FOXP2: variants seen among roughly 807,000 people sequenced by gnomAD.
FOXP2 encodes the protein forkhead box P2.
FOXP2 carries 12 observed loss-of-function variants against 115.8 expected under a neutral mutation model. The ratio of observed to expected loss-of-function variants is 0.10; its 90% CI spans 0.07 to 0.17. The LOEUF is 0.17. FOXP2 is among the 10% of genes least tolerant of loss of function. The pLI is 1.00. For synonymous variants in FOXP2, 328 were observed against 297.7 expected, an observed-to-expected ratio of 1.10 and a Z score of -1.05; for missense variants, 629 against 843.5, an observed-to-expected ratio of 0.75 and a Z score of 3.15.
intron 1 of FOXP2, among the ~76,000 whole-genome samples, chr7:114,132,050 A>T (rs1427697561): frequency 6.6e-6 from 1 of 152,084 alleles, no homozygotes; most frequent in African/African-American, 2.4e-5. Context: ...AAAAGCAAAA[A>T]AACGCTTTGT....
At chr7:114,650,635 A>G (rs1806196841) in intron 8 of FOXP2, among the ~76,000 whole-genome samples, 2 of 152,032 alleles carry the variant, frequency 1.3e-5, no homozygotes, top group South Asian at 4.1e-4. Flanking sequence ...CTCACATTCC[A>G]TACCTCCTTC....
At chr7:114,665,873 T>A (rs1585009158) in intron 16 of FOXP2, 1 of 152,234 alleles carries the variant, frequency 6.6e-6, no homozygotes, top group African/African-American at 2.4e-5. Context: ...TGCGGCCTTT[T>A]ACTTTCAGCA....
At chr7:114,654,275 G>GA (rs1174727273) in intron 10 of FOXP2, 2 of 729,022 alleles carry the variant, frequency 2.7e-6, no homozygotes, top group African/African-American at 3.6e-5. Context: ...GCTGAAGCCA[G>GA]AGAGAATTTC....
chr7:114,192,501 G>C (rs1793787451), intron 1 of FOXP2, among the ~76,000 whole-genome samples: 1 of 152,118 alleles, frequency 6.6e-6, no homozygotes, highest in African/African-American at 2.4e-5. Context: ...TAAATACCTA[G>C]AGAGCAATTT....
intron 1 of FOXP2, among the ~76,000 whole-genome samples, chr7:114,147,477 CCTCTGAG>C: frequency 6.6e-6 from 1 of 152,176 alleles, no homozygotes; most frequent in East Asian, 1.9e-4. Context: ...TACCCTTGAT[CCTCTGAG>C]CAACCATCAC....
chr7:114,320,959 T>C (rs1479740233), intron 2 of FOXP2, among the ~76,000 whole-genome samples: 4 of 152,182 alleles, frequency 2.6e-5, no homozygotes, highest in African/African-American at 4.8e-5. Flanking sequence ...GTTTACTTTA[T>C]TAAATATAAA....
At chr7:114,267,381 A>T (rs1795919471) in intron 1 of FOXP2, among the ~76,000 whole-genome samples, 2 of 151,998 alleles carry the variant, frequency 1.3e-5, no homozygotes, top group Non-Finnish European at 2.9e-5. Flanking sequence ...AAAATATCTT[A>T]TTTTTAGATA....
At chr7:114,400,888 T>G (rs1403177511) in intron 2 of FOXP2, among the ~76,000 whole-genome samples, 1 of 151,858 alleles carries the variant, frequency 6.6e-6, no homozygotes, top group African/African-American at 2.4e-5. Flanking sequence ...GGGAGCAAGA[T>G]TGGGCTCAAG....
chr7:114,644,526 T>A (rs1279308120), intron 7 of FOXP2, among the ~76,000 whole-genome samples, 159 bp from the exon 8 acceptor site: 1 of 152,238 alleles, frequency 6.6e-6, no homozygotes, highest in Non-Finnish European at 1.5e-5. Flanking sequence ...GCCTTGGCAG[T>A]TGAACTATTC....
At chr7:114,113,593 C>G (rs913870866) in intron 1 of FOXP2, among the ~76,000 whole-genome samples, 1 of 152,060 alleles carries the variant, frequency 6.6e-6, no homozygotes, top group Non-Finnish European at 1.5e-5. Context: ...TGGTCTCAAA[C>G]TCCTGGCACA....
chr7:114,481,278 T>G (rs1300579196), intron 2 of FOXP2, among the ~76,000 whole-genome samples: 2 of 151,232 alleles, frequency 1.3e-5, no homozygotes, highest in African/African-American at 4.8e-5. Context: ...GTATACATTT[T>G]TAAAAGTTAT....
chr7:114,286,954 G>A (rs1193159120), intron 1 of FOXP2, among the ~76,000 whole-genome samples: 1 of 152,042 alleles, frequency 6.6e-6, no homozygotes. Flanking sequence ...AATACAATTA[G>A]TGAAATGTCT....
At chr7:114,689,651 C>T (rs1269629230) in intron 16 of FOXP2, 131 bp from the exon 17 acceptor site, 1 of 855,976 alleles carries the variant, frequency 1.2e-6, no homozygotes, top group African/African-American at 1.7e-5. Flanking sequence ...CGCAATCAAT[C>T]AGATGCCCTT....
chr7:114,339,512 T>C (rs931895681), intron 2 of FOXP2, among the ~76,000 whole-genome samples: 13 of 151,106 alleles, frequency 8.6e-5, no homozygotes, highest in African/African-American at 3.1e-4. Flanking sequence ...TTAGTTTTAC[T>C]GTTTGGATTT....
chr7:114,214,396 G>A (rs1039091702), intron 1 of FOXP2, among the ~76,000 whole-genome samples: 3 of 152,112 alleles, frequency 2.0e-5, no homozygotes, highest in Non-Finnish European at 4.4e-5. Context: ...AGACTTCTTA[G>A]GGTCATGAAT....
chr7:114,505,979 GA>G (rs1797798599), intron 2 of FOXP2, among the ~76,000 whole-genome samples: 1 of 151,224 alleles, frequency 6.6e-6, no homozygotes, highest in African/African-American at 2.4e-5. Context: ...TTAGCTCTTT[GA>G]AACACCTTAA....
At chr7:114,393,239 TA>T (rs1326057616) in intron 2 of FOXP2, among the ~76,000 whole-genome samples, 2 of 151,648 alleles carry the variant, frequency 1.3e-5, no homozygotes, top group Non-Finnish European at 2.9e-5. Flanking sequence ...ACTTTCTTCT[TA>T]AAATAACAAC....
intron 1 of FOXP2, among the ~76,000 whole-genome samples, chr7:114,127,360 A>T (rs1307885916): frequency 6.6e-6 from 1 of 152,146 alleles, no homozygotes; most frequent in Admixed American, 6.6e-5. Context: ...CAAGGGGAAA[A>T]GATTATATAA....
At chr7:114,482,856 A>T (rs1298042595) in intron 2 of FOXP2, among the ~76,000 whole-genome samples, 1 of 151,682 alleles carries the variant, frequency 6.6e-6, no homozygotes, top group Non-Finnish European at 1.5e-5. Context: ...GTTGCCACTC[A>T]CATTTAATAA....
Sources: gnomAD v4.1 joint callset for allele counts (sites outside exome capture counted in the v4.1 genomes callset) on GRCh38, gnomAD v4.1.1 for gene constraint, MANE v1.5 for transcripts, NCBI Gene and HGNC (gene_info 2026-07-23, HGNC 2026-07-21) for gene names.